L3MBTL4: variants seen among roughly 807,000 people sequenced by gnomAD.
L3MBTL4 encodes L3MBTL histone methyl-lysine binding protein 4, also known as lethal(3)malignant brain tumor-like protein 4.
A neutral mutation model predicts 84.5 loss-of-function variants in L3MBTL4; 70 were observed. That is an observed-to-expected ratio of 0.83 (90% CI 0.68 to 1.01). The LOEUF (loss-of-function observed/expected upper bound fraction) is 1.01. Among genes scored for constraint, L3MBTL4 ranks in the 50% least tolerant of loss-of-function variants. L3MBTL4 has a pLI of 0.00. For missense variants in L3MBTL4, 715 were observed against 754.8 expected (o/e 0.95, Z 0.62); for synonymous variants, 274 against 259.8 (o/e 1.05, Z -0.52).
At chr18:6,365,324 T>A (rs367648786) in intron 1 of L3MBTL4, among the ~76,000 whole-genome samples, 3 of 152,172 alleles carry the variant, frequency 2.0e-5, no homozygotes, top group South Asian at 4.1e-4. Context: ...TTCAATGGAA[T>A]GTCTAAGGAG....
intron 16 of L3MBTL4, among the ~76,000 whole-genome samples, chr18:6,004,012 A>G (rs2054346478): frequency 6.6e-6 from 1 of 152,114 alleles, no homozygotes; most frequent in Non-Finnish European, 1.5e-5. Flanking sequence ...CAGAATGAAG[A>G]GAATTAAAGA....
chr18:6,409,206 A>AG (rs2055863622), intron 1 of L3MBTL4, among the ~76,000 whole-genome samples: 1 of 152,196 alleles, frequency 6.6e-6, no homozygotes, highest in Non-Finnish European at 1.5e-5. Context: ...AATGGGCTTT[A>AG]ATTGGCATCA....
chr18:6,168,358 C>T (rs996283135), intron 13 of L3MBTL4, among the ~76,000 whole-genome samples: 15 of 152,048 alleles, frequency 9.9e-5, no homozygotes, highest in Admixed American at 7.9e-4. Flanking sequence ...AAAAAAGAGC[C>T]CGCATTGCCA....
At position 5,986,036 on chromosome 18, in the gene L3MBTL4, A is replaced by C. The variant is rs190393199; in HGVS notation, c.1445-16474T>G. Reference sequence around the variant, plus strand: ...AGTCTTGGCTGAGGTCTGGAAATGAAAAGTGACCTGGCCAGAGAGAGCAAC... The same window carrying C: ...AGTCTTGGCTGAGGTCTGGAAATGACAAGTGACCTGGCCAGAGAGAGCAAC... On this transcript the variant is annotated intron_variant, in intron 16 of 18. Coordinates refer to ENST00000317931, the MANE Select transcript of L3MBTL4 (RefSeq NM_001330559.2). Among the ~76,000 whole-genome samples, 142 of 152,274 alleles carry C rather than the reference A, an allele frequency of 9.3e-4. 2 individuals are homozygous for C. Among genetic ancestry groups the C allele is most frequent in the Admixed American group, 6.3e-3 (96 of 15,298 alleles).
intron 12 of L3MBTL4, among the ~76,000 whole-genome samples, chr18:6,179,771 G>T (rs1447122651): frequency 6.6e-6 from 1 of 152,062 alleles, no homozygotes; most frequent in African/African-American, 2.4e-5. Context: ...GGAACTACAG[G>T]CGCATGCCAC....
chr18:6,389,223 T>C (rs888782304), intron 1 of L3MBTL4, among the ~76,000 whole-genome samples: 3 of 152,124 alleles, frequency 2.0e-5, no homozygotes, highest in African/African-American at 7.2e-5. Context: ...GAGAAATAAA[T>C]TCATTTCAGA....
At position 6,243,281 on chromosome 18, in the gene L3MBTL4, T is replaced by C; in HGVS notation, c.460+13A>G. 6.6e-7 allele frequency: 1 copy of C among 1,517,772 alleles called. No homozygotes were observed. The allele number at this position is 1,517,772 out of a possible 1,614,324, so 94.0% of individuals were successfully genotyped here. ...TGATTCTCTTTCCAGTTGGTAAATGTATCCTGGCTTACCCTTAGGGATGTG... is the reference window on the plus strand; with the variant it reads ...TGATTCTCTTTCCAGTTGGTAAATGCATCCTGGCTTACCCTTAGGGATGTG... On this transcript the variant is annotated intron_variant, in intron 7 of 18. Coordinates refer to ENST00000317931, the MANE Select transcript of L3MBTL4 (RefSeq NM_001330559.2).
chr18:5,996,977 G>T (rs536442812), intron 16 of L3MBTL4, among the ~76,000 whole-genome samples: 1 of 151,202 alleles, frequency 6.6e-6, no homozygotes, highest in Non-Finnish European at 1.5e-5. Context: ...ACTCAGGAGG[G>T]GTGCATTTTA....
intron 12 of L3MBTL4, among the ~76,000 whole-genome samples, chr18:6,174,051 A>C (rs2145234747): frequency 6.6e-6 from 1 of 152,060 alleles, no homozygotes; most frequent in Admixed American, 6.6e-5. Flanking sequence ...ATTAATAATT[A>C]CTCATGAACA....
At chr18:6,002,512 A>G (rs1342921517) in intron 16 of L3MBTL4, among the ~76,000 whole-genome samples, 1 of 152,160 alleles carries the variant, frequency 6.6e-6, no homozygotes, top group East Asian at 1.9e-4. Flanking sequence ...CACGTAAAAC[A>G]TAAAGATGTA....
At chr18:6,184,724 T>C (rs2044639149) in intron 12 of L3MBTL4, among the ~76,000 whole-genome samples, 3 of 152,104 alleles carry the variant, frequency 2.0e-5, no homozygotes, top group South Asian at 4.1e-4. Context: ...ATATTGAGGA[T>C]GGGTGAAGAG....
At chr18:6,349,374 T>C (rs1450252499) in intron 1 of L3MBTL4, among the ~76,000 whole-genome samples, 3 of 152,230 alleles carry the variant, frequency 2.0e-5, no homozygotes, top group Admixed American at 1.3e-4. Context: ...ACTACTGCTA[T>C]ATAGAATAGT....
intron 9 of L3MBTL4, among the ~76,000 whole-genome samples, chr18:6,239,289 C>T (rs1355959777): frequency 6.9e-6 from 1 of 143,986 alleles, no homozygotes; most frequent in Non-Finnish European, 1.5e-5. Flanking sequence ...TGCAGTGAGC[C>T]GAGATCCCGC....
At position 6,329,784 on chromosome 18, in the gene L3MBTL4, A is replaced by G. The variant is rs539463068; in HGVS notation, c.-90-17728T>C. Among the ~76,000 whole-genome samples, 4 of 152,278 alleles carry G rather than the reference A, an allele frequency of 2.6e-5. No individual in the cohort carries two copies. In the East Asian group the frequency reaches 7.7e-4, roughly 29 times the overall value. ...CATTAATCCATTCACCCATTAATCT[A>G]TTAATCCACAAGTGGATTAATCCAT... On this transcript the variant is annotated intron_variant, in intron 1 of 18. Coordinates refer to ENST00000317931, the MANE Select transcript of L3MBTL4 (RefSeq NM_001330559.2).
intron 1 of L3MBTL4, among the ~76,000 whole-genome samples, chr18:6,401,036 C>T (rs1176884589): frequency 1.3e-5 from 2 of 152,178 alleles, no homozygotes; most frequent in Non-Finnish European, 2.9e-5. Flanking sequence ...CCTACTCACA[C>T]TTCCATCTCC....
At chr18:6,290,274 G>GT (rs75169205) in intron 4 of L3MBTL4, among the ~76,000 whole-genome samples, 606 of 140,596 alleles carry the variant, frequency 4.3e-3, no homozygotes, top group Middle Eastern at 7.4e-3. Flanking sequence ...CTGCAGAAGG[G>GT]TTTTTTTTTT....
At chr18:6,275,927 C>A (rs1183376107) in intron 4 of L3MBTL4, among the ~76,000 whole-genome samples, 3 of 152,304 alleles carry the variant, frequency 2.0e-5, no homozygotes, top group Non-Finnish European at 4.4e-5. Flanking sequence ...CTGCTTCCCA[C>A]TCTGTTCCTA....
chr18:6,257,770 C>T (rs991002298), intron 5 of L3MBTL4, among the ~76,000 whole-genome samples: 5 of 151,692 alleles, frequency 3.3e-5, no homozygotes, highest in African/African-American at 7.3e-5. Context: ...CCTCAGCCTC[C>T]GGAGCAGCTG....
At chr18:5,993,183 A>G (rs1477283744) in intron 16 of L3MBTL4, among the ~76,000 whole-genome samples, 2 of 152,204 alleles carry the variant, frequency 1.3e-5, no homozygotes, top group African/African-American at 4.8e-5. Context: ...GAAGCCTCCC[A>G]TAAACACCGT....
Sources: allele counts gnomAD v4.1 joint callset (sites outside exome capture counted in the v4.1 genomes callset), GRCh38; gene constraint gnomAD v4.1.1; transcripts MANE v1.5; gene names NCBI Gene and HGNC (gene_info 2026-07-23, HGNC 2026-07-21).